The following CELF2 variants were observed in gnomAD, a reference collection of about 807,000 sequenced individuals.
The protein encoded by CELF2 is CUG triplet repeat RNA-binding protein 2.
Under a neutral mutation model 62.6 loss-of-function variants are expected in CELF2, and 8 were observed. That is an observed-to-expected ratio of 0.13 (90% CI 0.07 to 0.23). CELF2 has a LOEUF of 0.23. Among genes scored for constraint, CELF2 ranks in the 10% least tolerant of loss-of-function variants. CELF2 has a pLI of 1.00. For synonymous variants in CELF2, 258 were observed against 250.0 expected, an observed-to-expected ratio of 1.03 and a Z score of -0.30; for missense variants, 333 against 671.0, an observed-to-expected ratio of 0.50 and a Z score of 5.56.
intron 9 of CELF2, among the ~76,000 whole-genome samples, chr10:11,294,245 C>T (rs2092884952): frequency 6.6e-6 from 1 of 152,216 alleles, no homozygotes; most frequent in Non-Finnish European, 1.5e-5. Context: ...TGAAACATAA[C>T]ATCATGGCAG....
chr10:11,202,233 A>G (rs1298610998), intron 2 of CELF2, among the ~76,000 whole-genome samples: 2 of 152,168 alleles, frequency 1.3e-5, no homozygotes, highest in African/African-American at 4.8e-5. Context: ...TAGTAATGAA[A>G]TCTTCGGGGC....
rs2140706973 is a variant in CELF2 at position 11,316,461 on chromosome 10, T to C, written c.1096+2203T>C. ...AATATCAACAGAAAACCTTCCAAGA[T>C]AGAGTATCTTCTTTCAGACCATTCC... On this transcript the variant is annotated intron_variant, in intron 10 of 12. Transcript: ENST00000633077. This position sits in a 1 kb window ranked among gnomAD's most constrained non-coding sequence, Gnocchi z 4.4. Among the ~76,000 whole-genome samples the C allele has an allele frequency of 6.6e-6, 1 of 152,334 alleles. No individual in the cohort carries two copies. The highest frequency in any genetic ancestry group is 1.5e-5 in the Non-Finnish European group (1 of 68,034).
At chr10:10,476,351 G>A in the CELF2 span, among the ~76,000 whole-genome samples, 1 of 152,118 alleles carries the variant, frequency 6.6e-6, no homozygotes, top group Admixed American at 6.6e-5. Flanking sequence ...TAAGTTTGAT[G>A]CAGAGGCAAA....
intron 2 of CELF2, among the ~76,000 whole-genome samples, chr10:10,941,340 G>T (rs2047028089): frequency 6.6e-6 from 1 of 152,148 alleles, no homozygotes; most frequent in African/African-American, 2.4e-5. Flanking sequence ...GAACTGGGTG[G>T]CAGGCCAGCT....
Position 11,328,899 on chromosome 10 carries a change from C to T in CELF2, c.1439-27C>T. ...TTTTCTGCTGGGCTTCCTCTCCAGG[C>T]TGACTCCCTCTCTCGGTATTTTCCA... On this transcript the variant is annotated intron_variant, in intron 12 of 12. Transcript: ENST00000633077. This position sits in a 1 kb window ranked among gnomAD's most constrained non-coding sequence, Gnocchi z 6.4. 1.3e-6 allele frequency: 2 copies of T among 1,598,218 alleles called. No individual in the cohort carries two copies. The highest frequency in any genetic ancestry group is 1.3e-5 in the African/African-American group (1 of 74,622).
At chr10:10,888,343 G>A (rs1450733376) in intron 1 of CELF2, among the ~76,000 whole-genome samples, 8 of 152,142 alleles carry the variant, frequency 5.3e-5, no homozygotes, top group Admixed American at 1.3e-4. Context: ...ACAGGCACAG[G>A]CACCCCTGTA....
chr10:10,591,728 TCTGTGG>T, the CELF2 span, among the ~76,000 whole-genome samples: 1 of 152,224 alleles, frequency 6.6e-6, no homozygotes, highest in Non-Finnish European at 1.5e-5. Context: ...TGAATGGGAA[TCTGTGG>T]CAATTCAGTT....
intron 1 of CELF2, among the ~76,000 whole-genome samples, chr10:11,106,286 C>G (rs2053474677): frequency 6.6e-6 from 1 of 150,404 alleles, no homozygotes; most frequent in Admixed American, 6.6e-5. Flanking sequence ...GTAGGCTGAA[C>G]AGTGCAGTGG....
chr10:11,173,343 T>C (rs1224070552), intron 2 of CELF2, among the ~76,000 whole-genome samples: 3 of 152,216 alleles, frequency 2.0e-5, no homozygotes, highest in Non-Finnish European at 4.4e-5. Flanking sequence ...CTACCTGCCT[T>C]TCCTTGCTTT....
the CELF2 span, among the ~76,000 whole-genome samples, chr10:10,475,627 A>G: frequency 1.3e-5 from 2 of 152,116 alleles, no homozygotes; most frequent in African/African-American, 4.8e-5. Flanking sequence ...GATGAAGAAC[A>G]TGTCATGCAG....
intron 3 of CELF2, among the ~76,000 whole-genome samples, chr10:11,228,703 C>A (rs996788642): frequency 1.4e-5 from 2 of 143,058 alleles, no homozygotes; most frequent in Non-Finnish European, 3.0e-5. Context: ...TCACAACCCC[C>A]ACCCGCGCCC....
chr10:11,129,621 G>C (rs556854956), intron 1 of CELF2, among the ~76,000 whole-genome samples: 19 of 152,072 alleles, frequency 1.2e-4, no homozygotes, highest in African/African-American at 4.1e-4. Flanking sequence ...TGTATGTGTC[G>C]AGGAATTTAT....
At chr10:10,770,668 C>T in the CELF2 span, among the ~76,000 whole-genome samples, 1 of 151,848 alleles carries the variant, frequency 6.6e-6, no homozygotes, top group African/African-American at 2.4e-5. Context: ...ACCCCCCACT[C>T]CTCACCCCAG....
rs1200783351 is a variant in CELF2 at position 11,280,982 on chromosome 10, CTGTGTGCGTGTGTG to C, written c.841+5869_841+5882del. ...CTGATGCTGGCGTGCGTGTGCATGC[CTGTGTGCGTGTGTG>C]TGTGTGTGTGTGTGTGTGTGTGTGT... is the stretch of plus-strand genomic sequence containing the variant. On this transcript the variant is annotated intron_variant, in intron 8 of 12. Coordinates refer to ENST00000633077, the MANE Select transcript of CELF2 (RefSeq NM_001326342.2). This position sits in a 1 kb window ranked among gnomAD's most constrained non-coding sequence, Gnocchi z 7.6. Among the ~76,000 whole-genome samples the C allele has an allele frequency of 4.2e-5, 5 of 119,872 alleles. No homozygotes were observed. The highest frequency in any genetic ancestry group is 1.5e-4 in the African/African-American group (4 of 27,112). The allele number at this position is 119,872 out of a possible 152,430, so 78.6% of individuals were successfully genotyped here.
the CELF2 span, among the ~76,000 whole-genome samples, chr10:10,531,688 G>A: frequency 3.9e-5 from 6 of 152,066 alleles, no homozygotes; most frequent in Non-Finnish European, 7.4e-5. Context: ...AGAGGTTGAT[G>A]GTAAAGTCTA....
chr10:11,197,251 G>A (rs1386961203), intron 2 of CELF2, among the ~76,000 whole-genome samples: 2 of 152,030 alleles, frequency 1.3e-5, no homozygotes, highest in African/African-American at 4.8e-5. Context: ...TGGGACTGAA[G>A]CTGCCCTCTG....
At chr10:11,183,367 G>C (rs561062387) in intron 2 of CELF2, among the ~76,000 whole-genome samples, 7 of 152,238 alleles carry the variant, frequency 4.6e-5, no homozygotes, top group African/African-American at 1.4e-4. Context: ...TTGGGTTGTT[G>C]TCATTTGCTG....
At position 10,931,575 on chromosome 10, in the gene CELF2, C is replaced by A. The variant is rs143553416; in HGVS notation, c.89+11576C>A. 2.0e-5 allele frequency among the ~76,000 whole-genome samples: 3 copies of A among 152,302 alleles called. No homozygotes were observed. Among genetic ancestry groups the A allele is most frequent in the South Asian group, 2.1e-4 (1 of 4,826 alleles). On this transcript the variant is annotated intron_variant, in intron 2 of 13. Transcript: ENST00000636488. The surrounding 1 kb of genome is among the most constrained non-coding windows in gnomAD (Gnocchi z 6.1). The stretch of plus-strand genomic sequence containing the variant: ...TGACACCTGGTGGCCCCTAATTCAT[C>A]ATTGGGCACCACGGCACCCCTTCCA...
chr10:11,288,855 CTG>C (rs2091975431), intron 9 of CELF2, among the ~76,000 whole-genome samples: 1 of 152,238 alleles, frequency 6.6e-6, no homozygotes, highest in East Asian at 1.9e-4. Context: ...GTTGTTACCA[CTG>C]TGAAGAGCCT....
Sources: gnomAD v4.1 joint callset for allele counts (sites outside exome capture counted in the v4.1 genomes callset) on GRCh38, gnomAD v4.1.1 for gene constraint, Gnocchi (gnomAD v3.1) non-coding constraint, MANE v1.5 for transcripts, NCBI Gene and HGNC (gene_info 2026-07-23, HGNC 2026-07-21) for gene names.